The following ZNF875 variants were observed in gnomAD, a reference collection of about 807,000 sequenced individuals.
ZNF875 encodes the protein HKR1, GLI-Kruppel zinc finger family member.
Under a neutral mutation model 11.2 loss-of-function variants are expected in ZNF875, and 14 were observed. The ratio of observed to expected loss-of-function variants is 1.26; its 90% CI spans 0.83 to 1.96. The LOEUF is 1.96. Ranked by LOEUF, ZNF875 falls within the 30% of genes most tolerant of loss-of-function variation. The pLI is 0.00. For synonymous variants in ZNF875, 301 were observed against 281.1 expected, an observed-to-expected ratio of 1.07 and a Z score of -0.71; for missense variants, 752 against 760.4, an observed-to-expected ratio of 0.99 and a Z score of 0.13.
Position 37,347,819 on chromosome 19 carries a change from G to A in ZNF875, c.203G>A (p.Arg68Gln), listed in dbSNP as rs201744812. 72 of 1,613,684 alleles carry A rather than the reference G, an allele frequency of 4.5e-5. No homozygotes were observed. In the East Asian group the frequency reaches 1.4e-3, roughly 32 times the overall value. ...SKPKLIAQLERGEAPWREERK... is the reference protein window; with the variant it reads ...SKPKLIAQLEQGEAPWREERK... ...CCAAAACTCATTGCTCAGCTGGAGC[G>A]AGGGGAAGCGCCCTGGAGAGAGGAG... The change falls in exon 4 of 5, where the codon CGA becomes CAA. Residue 68 changes from arginine to glutamine, a missense_variant. Physicochemically the swap from Arg to Gln is conservative, Grantham distance 43. Transcript: ENST00000392153.
intron 1 of ZNF875, among the ~76,000 whole-genome samples, chr19:37,319,368 T>TATATATATATATATATATATATATATAA (rs1390266781): frequency 6.9e-6 from 1 of 144,018 alleles, no homozygotes; most frequent in African/African-American, 2.6e-5. Context: ...TATATATATA[T>TATATATATATATATATATATATATATAA]AATAAAAATG....
At chr19:37,331,442 A>G (rs1381108602), upstream of ZNF875, among the ~76,000 whole-genome samples, 1 of 151,568 alleles carries the variant, frequency 6.6e-6, no homozygotes, top group Admixed American at 6.6e-5. Flanking sequence ...TGTAGAAAGA[A>G]GTAGACATAG....
At chr19:37,316,581 G>A (rs1272480118), upstream of ZNF875, among the ~76,000 whole-genome samples, 1 of 151,618 alleles carries the variant, frequency 6.6e-6, no homozygotes, top group Non-Finnish European at 1.5e-5. Context: ...TGTTGCCCAG[G>A]ATGGTCTCGA....
intron 2 of ZNF875, 75 bp from the exon 3 acceptor site, chr19:37,347,115 C>T: frequency 1.9e-6 from 3 of 1,603,046 alleles, no homozygotes; most frequent in South Asian, 1.1e-5. Context: ...CCGGGCCTGG[C>T]CTTGACCTCT....
At chr19:37,336,675 G>A (rs930989299) in intron 2 of ZNF875, among the ~76,000 whole-genome samples, 2 of 151,390 alleles carry the variant, frequency 1.3e-5, no homozygotes, top group African/African-American at 4.9e-5. Context: ...GTGGGAGGCT[G>A]AGGCAGGCGA....
intron 1 of ZNF875, among the ~76,000 whole-genome samples, chr19:37,321,537 A>T (rs990592497): frequency 4.6e-5 from 7 of 152,168 alleles, no homozygotes; most frequent in African/African-American, 1.7e-4. Flanking sequence ...CAGTGCCAGC[A>T]TGGGTCCTCT....
upstream of ZNF875, chr19:37,313,215 A>AAACAAC (rs34323048): frequency 0.027 from 3,963 of 149,398 alleles, 159 homozygotes; most frequent in Admixed American, 0.11. Flanking sequence ...GCCCCCCGCG[A>AAACAAC]AACAACAACA....
chr19:37,324,640 A>G (rs1268307083), intron 4 of ZNF875, among the ~76,000 whole-genome samples: 1 of 152,242 alleles, frequency 6.6e-6, no homozygotes, highest in Non-Finnish European at 1.5e-5. Flanking sequence ...AAGTACTGTT[A>G]GTGAGAAATT....
chr19:37,330,973 T>G (rs1235419362), upstream of ZNF875, among the ~76,000 whole-genome samples: 1 of 151,760 alleles, frequency 6.6e-6, no homozygotes, highest in African/African-American at 2.4e-5. Flanking sequence ...GATCACGAGG[T>G]CAGGAGATCG....
At chr19:37,342,390 A>G (rs1414591287) in intron 2 of ZNF875, among the ~76,000 whole-genome samples, 1 of 150,470 alleles carries the variant, frequency 6.6e-6, no homozygotes, top group Non-Finnish European at 1.5e-5. Flanking sequence ...ATTATATGTC[A>G]CTAGAAACAT....
chr19:37,347,343 A>G (rs2037006772), intron 3 of ZNF875, 27 bp downstream of exon 3: 2 of 1,600,070 alleles, frequency 1.2e-6, no homozygotes, highest in Non-Finnish European at 1.7e-6. Context: ...TTGGCACTTA[A>G]AATCTGCCCT....
chr19:37,352,262 G>A (rs2146404261), intron 4 of ZNF875, among the ~76,000 whole-genome samples: 1 of 151,894 alleles, frequency 6.6e-6, no homozygotes, highest in Non-Finnish European at 1.5e-5. Context: ...TGTTGCCCAG[G>A]CTGGAGTGCA....
intron 1 of ZNF875, among the ~76,000 whole-genome samples, chr19:37,318,380 T>C (rs1428844835): frequency 1.3e-5 from 2 of 152,188 alleles, no homozygotes; most frequent in Non-Finnish European, 2.9e-5. Context: ...TTTTTGCCAG[T>C]TGTATTATTT....
chr19:37,362,688 G>A lies in ZNF875; in HGVS notation c.836G>A (p.Gly279Glu). Reference protein sequence around the residue: ...LIKNPRTHSGGKPYVCRECGR... With the variant: ...LIKNPRTHSGEKPYVCRECGR... ...AAAAACCCAAGGACACACTCTGGGG[G>A]AAAGCCTTATGTGTGCAGGGAATGT... Residue 279 changes from glycine to glutamate, a missense_variant, in exon 5 of 5, where the codon GGA (glycine) becomes GAA (glutamate). Transcript: ENST00000392153. The A allele has an allele frequency of 6.2e-7, 1 of 1,613,150 alleles. No individual in the cohort carries two copies. Among genetic ancestry groups the A allele is most frequent in the Non-Finnish European group, 8.5e-7 (1 of 1,179,542 alleles).
chr19:37,364,177 C>T lies in ZNF875; in HGVS notation c.*402C>T, dbSNP rs548401221. ...GTCTTCCCATTTGGTGTGCTTTCCT[C>T]CGATTGATCCCAACCCTTCACCTAT... On this transcript the variant is annotated 3_prime_UTR_variant, in exon 5 of 5. Transcript: ENST00000392153. 5.5e-5 allele frequency: 11 copies of T among 198,888 alleles called. No individual in the cohort carries two copies. Among genetic ancestry groups the T allele is most frequent in the Middle Eastern group, 2.1e-3 (1 of 472 alleles). The allele number at this position is 198,888 out of a possible 1,614,324, so 12.3% of individuals were successfully genotyped here.
intron 4 of ZNF875, among the ~76,000 whole-genome samples, chr19:37,325,479 A>G (rs1447494539): frequency 6.6e-6 from 1 of 152,268 alleles, no homozygotes; most frequent in Admixed American, 6.5e-5. Flanking sequence ...TATTTCACCT[A>G]AAATGTTAGC....
intron 2 of ZNF875, among the ~76,000 whole-genome samples, chr19:37,343,656 G>A (rs374950552): frequency 3.0e-4 from 45 of 152,220 alleles, no homozygotes; most frequent in Non-Finnish European, 5.4e-4. Context: ...CTTGCACAGC[G>A]AGAAGGCCAG....
At chr19:37,320,029 A>C (rs999257821) in intron 1 of ZNF875, among the ~76,000 whole-genome samples, 5 of 152,148 alleles carry the variant, frequency 3.3e-5, no homozygotes, top group Non-Finnish European at 4.4e-5. Flanking sequence ...CTGGGACTAC[A>C]GGCACCCGCC....
intron 4 of ZNF875, among the ~76,000 whole-genome samples, chr19:37,325,315 C>T (rs974796928): frequency 1.3e-5 from 2 of 152,090 alleles, no homozygotes; most frequent in African/African-American, 4.8e-5. Context: ...CCATCCACCT[C>T]TATTGTGGTT....
Sources: allele counts gnomAD v4.1 joint callset (sites outside exome capture counted in the v4.1 genomes callset), GRCh38; gene constraint gnomAD v4.1.1; transcripts MANE v1.5; gene names NCBI Gene and HGNC (gene_info 2026-07-23, HGNC 2026-07-21).